Variants in CAMSAP1 observed in about 807,000 individuals in gnomAD.
The protein encoded by CAMSAP1 is calmodulin-regulated spectrin-associated protein 1.
Under a neutral mutation model 143.5 loss-of-function variants are expected in CAMSAP1, and 58 were observed. The observed-to-expected ratio is 0.40, with a 90% CI of 0.33 to 0.50. The LOEUF (loss-of-function observed/expected upper bound fraction) is 0.50, where lower values mean the gene tolerates loss of function less well. Ranked by LOEUF, CAMSAP1 falls within the 20% of genes least tolerant of loss-of-function variation. The pLI, the probability that CAMSAP1 is intolerant of heterozygous loss-of-function variation, is 0.45. For missense variants in CAMSAP1, 1,969 were observed against 2,115.7 expected, an observed-to-expected ratio of 0.93 and a Z score of 1.36; for synonymous variants, 945 against 859.3, an observed-to-expected ratio of 1.10 and a Z score of -1.74.
chr9:135,828,140 C>T (rs1368240678), intron 7 of CAMSAP1, among the ~76,000 whole-genome samples: 1 of 152,250 alleles, frequency 6.6e-6, no homozygotes, highest in African/African-American at 2.4e-5. Context: ...GGCTGGGGCG[C>T]CATTCCCTTT....
At chr9:135,854,098 G>A (rs936570581) in intron 5 of CAMSAP1, among the ~76,000 whole-genome samples, 2 of 152,200 alleles carry the variant, frequency 1.3e-5, no homozygotes, top group Non-Finnish European at 2.9e-5. Flanking sequence ...TATTATCTGG[G>A]ACACTTGACA....
At chr9:135,846,572 T>C (rs1588468591) in intron 7 of CAMSAP1, among the ~76,000 whole-genome samples, 2 of 149,894 alleles carry the variant, frequency 1.3e-5, no homozygotes, top group East Asian at 3.9e-4. Context: ...CAAAAGAAAC[T>C]ATCATCAGAG....
chr9:135,863,616 CAT>C (rs1452567566), intron 4 of CAMSAP1, among the ~76,000 whole-genome samples: 1 of 152,184 alleles, frequency 6.6e-6, no homozygotes, highest in Non-Finnish European at 1.5e-5. Context: ...ATAAGTACAT[CAT>C]GTAGAATAAT....
rs1337109855 is a variant in CAMSAP1 at position 135,822,620 on chromosome 9, C to G, written c.2041G>C (p.Gly681Arg). ...TCGAATCCGCCAAGGGCCAGAGGCCCACCACAGACCTCTCCTGCGGTTTCC... is the reference window on the plus strand; with the variant it reads ...TCGAATCCGCCAAGGGCCAGAGGCCGACCACAGACCTCTCCTGCGGTTTCC... ...SVETAGEVCG[G>R]PLALGGFDPF... Residue 681 changes from glycine to arginine, a missense_variant, in exon 11 of 17, where the codon GGG becomes CGG. Gly to Arg is a moderately radical substitution (Grantham distance 125, BLOSUM62 -2). This residue lies in a region of CAMSAP1 where 1,390 missense variants were observed against 1,420.8 expected (regional missense o/e 0.98). Transcript: ENST00000389532. The surrounding 1 kb of genome is among the most constrained non-coding windows in gnomAD (Gnocchi z 6.1). 1 of 1,612,114 alleles carries G rather than the reference C, an allele frequency of 6.2e-7. No homozygotes were observed. The highest frequency in any genetic ancestry group is 1.7e-5 in the Admixed American group (1 of 59,854).
rs547803968 is a variant in CAMSAP1, at chr9:135,808,963, G to A, written c.*2346C>T. 1 of 152,330 alleles carries A rather than the reference G, an allele frequency of 6.6e-6. No homozygotes were observed. The highest frequency in any genetic ancestry group is 2.1e-4 in the South Asian group (1 of 4,828). The allele number at this position is 152,330 out of a possible 1,614,324, so 9.4% of individuals were successfully genotyped here. A position where few individuals can be genotyped will look rare whatever the true frequency, so the allele number is the denominator to read the frequency against. ...TTAAATAACAAGGTTAGAATTCTGA[G>A]ACACAACGAAAGTTGTGCAAGCTTT... On this transcript the variant is annotated 3_prime_UTR_variant, in exon 17 of 17. Transcript: ENST00000389532.
rs1016444045 is a variant in CAMSAP1 at position 135,824,085 on chromosome 9, T to G, written c.1316-51A>C. Reference sequence around the variant, plus strand: ...GTTAAGTAACCAATTTTCTATCACTTGAAATTCTTTCAATATGACCATTTG... The same window carrying G: ...GTTAAGTAACCAATTTTCTATCACTGGAAATTCTTTCAATATGACCATTTG... On this transcript the variant is annotated intron_variant, in intron 9 of 16. Transcript: ENST00000389532. The surrounding 1 kb of genome is among the most constrained non-coding windows in gnomAD (Gnocchi z 4.1). The G allele has an allele frequency of 5.2e-5, 77 of 1,471,462 alleles. No individual in the cohort carries two copies. The highest frequency in any genetic ancestry group is 5.2e-4 in the Middle Eastern group (3 of 5,818). The allele number at this position is 1,471,462 out of a possible 1,614,324, so 91.2% of individuals were successfully genotyped here.
intron 5 of CAMSAP1, among the ~76,000 whole-genome samples, chr9:135,859,595 T>C (rs1426260082): frequency 6.6e-6 from 1 of 152,084 alleles, no homozygotes; most frequent in African/African-American, 2.4e-5. Flanking sequence ...GGTTTCACCA[T>C]GTTAGCCAGG....
Position 135,818,164 on chromosome 9 carries a change from G to T in CAMSAP1, c.4169-85C>A. ...CCCCTGTACCTGTTCCCCTCACCTC[G>T]CCCTGCAGAGCTCGGCCACACAGGC... On this transcript the variant is annotated intron_variant, in intron 13 of 16. Transcript: ENST00000389532. This position sits in a 1 kb window ranked among gnomAD's most constrained non-coding sequence, Gnocchi z 7.7. 7.2e-7 allele frequency: 1 copy of T among 1,392,156 alleles called. No homozygotes were observed. The highest frequency in any genetic ancestry group is 1.3e-5 in the South Asian group (1 of 79,782). The allele number at this position is 1,392,156 out of a possible 1,614,324, so 86.2% of individuals were successfully genotyped here. A position where few individuals can be genotyped will look rare whatever the true frequency, so the allele number is the denominator to read the frequency against.
chr9:135,822,458 TGAG>T lies in CAMSAP1; in HGVS notation c.2200_2202del (p.Leu734del), dbSNP rs1487442945. 1.2e-6 allele frequency: 2 copies of T among 1,613,578 alleles called. No individual in the cohort carries two copies. The highest frequency in any genetic ancestry group is 2.7e-5 in the African/African-American group (2 of 74,808). ...ACCACATCCGAGTCAGAATCCTGCCTGAGGAGAGTCCACGGCTCTGAATCGTGG... is the reference window on the plus strand; with the variant it reads ...ACCACATCCGAGTCAGAATCCTGCCTGAGAGTCCACGGCTCTGAATCGTGG... On this transcript the variant is annotated inframe_deletion, in exon 11 of 17. Coordinates refer to ENST00000389532, the MANE Select transcript of CAMSAP1 (RefSeq NM_015447.4). The surrounding 1 kb of genome is among the most constrained non-coding windows in gnomAD (Gnocchi z 6.1).
At position 135,809,181 on chromosome 9, in the gene CAMSAP1, A is replaced by C. The variant is rs1358393314; in HGVS notation, c.*2128T>G. 1 of 152,210 alleles carries C rather than the reference A, an allele frequency of 6.6e-6. No individual in the cohort carries two copies. The highest frequency in any genetic ancestry group is 6.5e-5 in the Admixed American group (1 of 15,276). 9.4% of individuals were successfully genotyped at this position (152,210 alleles called of 1,614,324 possible). A position where few individuals can be genotyped will look rare whatever the true frequency, so the allele number is the denominator to read the frequency against. The stretch of plus-strand genomic sequence containing the variant: ...TGTCTGAAACTTTTCAAGACTAATT[A>C]AAAGGGTTGCTGTGTCCAAGCATGA... On this transcript the variant is annotated 3_prime_UTR_variant, in exon 17 of 17. Transcript: ENST00000389532.
At chr9:135,849,971 TAGAA>T (rs1484946772) in intron 7 of CAMSAP1, 162 bp downstream of exon 7, 13 of 536,180 alleles carry the variant, frequency 2.4e-5, no homozygotes, top group Non-Finnish European at 3.5e-5. Flanking sequence ...CAAAATCACT[TAGAA>T]AGCCTTTCCC....
chr9:135,901,527 T>TC (rs1221768857), intron 1 of CAMSAP1, among the ~76,000 whole-genome samples: 2 of 152,046 alleles, frequency 1.3e-5, no homozygotes, highest in African/African-American at 4.8e-5. Flanking sequence ...GGTGGGAGGA[T>TC]CACTTGAGCT....
At chr9:135,901,937 G>A (rs1259871783) in intron 1 of CAMSAP1, among the ~76,000 whole-genome samples, 2 of 152,174 alleles carry the variant, frequency 1.3e-5, no homozygotes, top group Non-Finnish European at 2.9e-5. Context: ...CCTCTCCTCT[G>A]CACAGGGCTG....
At chr9:135,888,639 T>C (rs189218606) in intron 1 of CAMSAP1, among the ~76,000 whole-genome samples, 7 of 152,266 alleles carry the variant, frequency 4.6e-5, no homozygotes, top group Non-Finnish European at 7.4e-5. Context: ...CATTTGACAC[T>C]GAGAAAGTCA....
rs1382032021 is a variant in CAMSAP1, at chr9:135,865,441, C to T, written c.666+1015G>A. 4.2e-6 allele frequency: 6 copies of T among 1,422,770 alleles called. No individual in the cohort carries two copies. In the African/African-American group the frequency reaches 7.1e-5, roughly 17 times the overall value. 88.1% of individuals were successfully genotyped at this position (1,422,770 alleles called of 1,614,324 possible). Reference sequence around the variant, plus strand: ...GTCCACGTGTGGACGAGGTAACACACACTTCCCCACGGCGTTTACACGGCA... The same window carrying T: ...GTCCACGTGTGGACGAGGTAACACATACTTCCCCACGGCGTTTACACGGCA... On this transcript the variant is annotated intron_variant, in intron 4 of 16. Transcript: ENST00000389532.
intron 4 of CAMSAP1, among the ~76,000 whole-genome samples, chr9:135,863,300 T>C (rs1483162533): frequency 6.6e-6 from 1 of 152,144 alleles, no homozygotes; most frequent in East Asian, 1.9e-4. Flanking sequence ...GATCTGCCCC[T>C]GTATCTGCAT....
chr9:135,892,503 GA>G (rs1838318083), intron 1 of CAMSAP1, among the ~76,000 whole-genome samples: 1 of 152,026 alleles, frequency 6.6e-6, no homozygotes. Flanking sequence ...GAGCCCAGGA[GA>G]CCAGCCTGGG....
chr9:135,820,745 GC>G lies in CAMSAP1; in HGVS notation c.3822+93del. 4.7e-6 allele frequency: 7 copies of G among 1,490,874 alleles called. No individual in the cohort carries two copies. The South Asian group carries it at 9.0e-5, about 19-fold the overall frequency. 92.4% of individuals were successfully genotyped at this position (1,490,874 alleles called of 1,614,324 possible). A position where few individuals can be genotyped will look rare whatever the true frequency, so the allele number is the denominator to read the frequency against. On this transcript the variant is annotated intron_variant, in intron 11 of 16. Transcript: ENST00000389532. This position sits in a 1 kb window ranked among gnomAD's most constrained non-coding sequence, Gnocchi z 4.4. ...CCCTGGCCTCTTACAGGAGCGGCTG[GC>G]CAGCCTGGTGCAGATCTGTGTTCTC...
At chr9:135,842,465 C>T (rs1207316843) in intron 7 of CAMSAP1, among the ~76,000 whole-genome samples, 3 of 152,170 alleles carry the variant, frequency 2.0e-5, no homozygotes, top group Admixed American at 6.5e-5. Context: ...CCTAGCAAGA[C>T]AGGCCAACAT....
Sources: gnomAD v4.1 joint callset for allele counts (sites outside exome capture counted in the v4.1 genomes callset) on GRCh38, gnomAD v4.1.1 for gene constraint, gnomAD v4.1.1 regional missense constraint, Gnocchi (gnomAD v3.1) non-coding constraint, MANE v1.5 for transcripts, NCBI Gene and HGNC (gene_info 2026-07-23, HGNC 2026-07-21) for gene names.